RP1: variants seen among roughly 807,000 people sequenced by gnomAD.
RP1 encodes oxygen-regulated protein 1.
A neutral mutation model predicts 14.8 loss-of-function variants in RP1; 16 were observed. That is an observed-to-expected ratio of 1.08 (90% CI 0.73 to 1.65). The LOEUF (loss-of-function observed/expected upper bound fraction) is 1.65. Ranked by LOEUF, RP1 falls within the 40% of genes most tolerant of loss-of-function variation. RP1 has a pLI of 0.00. For missense variants in RP1, 2,631 were observed against 2,535.0 expected (o/e 1.04, Z -0.81); for synonymous variants, 876 against 883.6 (o/e 0.99, Z 0.15).
intron 16 of RP1, among the ~76,000 whole-genome samples, chr8:54,722,322 G>A (rs1211740335): frequency 5.3e-5 from 8 of 151,144 alleles, no homozygotes; most frequent in Admixed American, 1.3e-4. Flanking sequence ...CCAGGCTGGA[G>A]TGCAGTGGCG....
Position 54,571,512 on chromosome 8 carries a change from C to T in RP1, c.-13+12192C>T, listed in dbSNP as rs1804522562. The stretch of plus-strand genomic sequence containing the variant: ...GGAGTGGGCTCAGAGCCCCTATGCA[C>T]CCCAGTCCTGTATGGCAGCATGGAT... On this transcript the variant is annotated intron_variant, in intron 1 of 22. Transcript: ENST00000636932. 2.0e-5 allele frequency among the ~76,000 whole-genome samples: 3 copies of T among 152,202 alleles called. No homozygotes were observed. The South Asian group carries it at 6.2e-4, about 32-fold the overall frequency.
At chr8:54,673,610 C>T (rs542609574) in intron 7 of RP1, among the ~76,000 whole-genome samples, 5 of 152,190 alleles carry the variant, frequency 3.3e-5, no homozygotes, top group African/African-American at 1.2e-4. Flanking sequence ...CATGGTGGCA[C>T]ATGCCTGTAA....
intron 15 of RP1, among the ~76,000 whole-genome samples, chr8:54,708,388 ACT>A (rs1172555013): frequency 1.4e-5 from 2 of 144,244 alleles, no homozygotes; most frequent in Non-Finnish European, 3.0e-5. Context: ...ACATAGTCTC[ACT>A]CTGTTGCCCA....
At chr8:54,670,521 G>GTATACATACATATACATATATA (rs199972170) in intron 7 of RP1, among the ~76,000 whole-genome samples, 1 of 51,284 alleles carries the variant, frequency 1.9e-5, no homozygotes, top group Non-Finnish European at 5.0e-5. Context: ...ATATATGTAT[G>GTATACATACATATACATATATA]TGTATATATA....
chr8:54,857,871 G>A (rs1303431851), intron 27 of RP1, among the ~76,000 whole-genome samples: 1 of 151,998 alleles, frequency 6.6e-6, no homozygotes, highest in Admixed American at 6.6e-5. Context: ...CTTTCCTACT[G>A]GCTCCCTTAG....
At position 54,854,795 on chromosome 8, in the gene RP1, T is replaced by C. The variant is rs917999268; in HGVS notation, c.3990+2067T>C. 8.5e-5 allele frequency among the ~76,000 whole-genome samples: 13 copies of C among 152,262 alleles called. 1 individual carries two copies. In the South Asian group the frequency reaches 1.0e-3, roughly 12 times the overall value. ...CAGGAGAATCACCTGAACCCGGGAA[T>C]TGGAGGTTGCATTGAGCCAAGACAG... On this transcript the variant is annotated intron_variant, in intron 26 of 28. Transcript: ENST00000637698.
intron 12 of RP1, among the ~76,000 whole-genome samples, chr8:54,690,871 A>G (rs1807693677): frequency 6.6e-6 from 1 of 152,104 alleles, no homozygotes; most frequent in South Asian, 2.1e-4. Context: ...GTTGTAAAAC[A>G]AGTTTTAAAC....
chr8:54,694,143 C>T (rs1372015453), intron 12 of RP1, among the ~76,000 whole-genome samples: 1 of 152,256 alleles, frequency 6.6e-6, no homozygotes, highest in Non-Finnish European at 1.5e-5. Flanking sequence ...ATATGTTGAA[C>T]CAGCCTTGCA....
intron 3 of RP1, among the ~76,000 whole-genome samples, chr8:54,641,381 T>G (rs1806452472): frequency 6.6e-6 from 1 of 152,200 alleles, no homozygotes; most frequent in African/African-American, 2.4e-5. Flanking sequence ...ACAGGCACTA[T>G]TTCTCTAATT....
chr8:54,562,459 G>A (rs909768031), intron 1 of RP1, among the ~76,000 whole-genome samples: 6 of 152,142 alleles, frequency 3.9e-5, no homozygotes, highest in African/African-American at 1.4e-4. Flanking sequence ...GAGCTGAGGT[G>A]GGTGGATCAC....
chr8:54,603,182 A>C (rs1805336084), intron 1 of RP1, among the ~76,000 whole-genome samples: 2 of 152,160 alleles, frequency 1.3e-5, no homozygotes, highest in Non-Finnish European at 2.9e-5. Context: ...TCTAACATTT[A>C]AGTCCTTAAT....
intron 1 of RP1, among the ~76,000 whole-genome samples, chr8:54,582,307 G>A (rs1174706049): frequency 8.6e-5 from 13 of 151,992 alleles, no homozygotes; most frequent in African/African-American, 2.7e-4. Flanking sequence ...AAGATCAGAT[G>A]GTTGTAGATA....
At chr8:54,602,334 G>T (rs1213278755) in intron 1 of RP1, among the ~76,000 whole-genome samples, 1 of 152,114 alleles carries the variant, frequency 6.6e-6, no homozygotes, top group African/African-American at 2.4e-5. Context: ...ATGGTTTCCA[G>T]CTTCATCCAC....
intron 16 of RP1, among the ~76,000 whole-genome samples, chr8:54,721,843 CA>C (rs1247151216): frequency 6.6e-6 from 1 of 152,168 alleles, no homozygotes; most frequent in Non-Finnish European, 1.5e-5. Context: ...CTTCAAAATA[CA>C]AAATAATACT....
intron 19 of RP1, among the ~76,000 whole-genome samples, chr8:54,739,224 C>A (rs1809008488): frequency 6.6e-6 from 1 of 152,138 alleles, no homozygotes; most frequent in African/African-American, 2.4e-5. Flanking sequence ...ACTGACATAG[C>A]AGATAGTTCT....
intron 14 of RP1, among the ~76,000 whole-genome samples, chr8:54,706,076 G>T (rs1808143884): frequency 6.6e-6 from 1 of 151,942 alleles, no homozygotes; most frequent in Admixed American, 6.6e-5. Flanking sequence ...TATCCATAGA[G>T]AGTATTCCAT....
At chr8:54,576,788 G>T (rs1350273629) in intron 1 of RP1, among the ~76,000 whole-genome samples, 1 of 152,150 alleles carries the variant, frequency 6.6e-6, no homozygotes, top group Non-Finnish European at 1.5e-5. Context: ...CATGGGTTTT[G>T]TTTTCTAGAT....
At chr8:54,780,119 G>T (rs1007514338) in intron 23 of RP1, among the ~76,000 whole-genome samples, 2 of 152,190 alleles carry the variant, frequency 1.3e-5, no homozygotes, top group Non-Finnish European at 2.9e-5. Context: ...GGCTTTTCAG[G>T]CCATATGGTC....
exon 16 of RP1, chr8:54,720,209 C>T: frequency 1.3e-6 from 2 of 1,535,552 alleles, no homozygotes; most frequent in East Asian, 4.9e-5. Flanking sequence ...CTACGAAGAG[C>T]CCAGGATTGT....
Sources: gnomAD v4.1 joint callset for allele counts (sites outside exome capture counted in the v4.1 genomes callset) on GRCh38, gnomAD v4.1.1 for gene constraint, MANE v1.5 for transcripts, NCBI Gene and HGNC (gene_info 2026-07-23, HGNC 2026-07-21) for gene names.